Variants in WNT7B observed in about 807,000 individuals in gnomAD.
WNT7B encodes the protein Wnt family member 7B.
A neutral mutation model predicts 38.2 loss-of-function variants in WNT7B; 19 were observed. That is an observed-to-expected ratio of 0.50 (90% CI 0.35 to 0.73). The LOEUF (loss-of-function observed/expected upper bound fraction) is 0.73, where lower values mean the gene tolerates loss of function less well. Among genes scored for constraint, WNT7B ranks in the 30% least tolerant of loss-of-function variants. The pLI is 0.01. For synonymous variants in WNT7B, 243 were observed against 209.3 expected (o/e 1.16, Z -1.39); for missense variants, 423 against 507.9 (o/e 0.83, Z 1.61).
chr22:45,960,123 G>T (rs1932162450), intron 1 of WNT7B, among the ~76,000 whole-genome samples: 4 of 152,116 alleles, frequency 2.6e-5, no homozygotes. Context: ...ATGGCCTCGG[G>T]GCCTGCCTGA....
chr22:45,977,144 C>A lies in WNT7B; in HGVS notation c.-390G>T, dbSNP rs1932571148. On this transcript the variant is annotated 5_prime_UTR_variant, in exon 1 of 4. Transcript: ENST00000339464. ...CGGCGGCCAATGTGTCCGCACTTGTCGGCCGCCCCAGGTGACTCGCGGCCC... is the reference window on the plus strand; with the variant it reads ...CGGCGGCCAATGTGTCCGCACTTGTAGGCCGCCCCAGGTGACTCGCGGCCC... 4.1e-6 allele frequency: 2 copies of A among 492,116 alleles called. No homozygotes were observed. Among genetic ancestry groups the A allele is most frequent in the African/African-American group, 4.2e-5 (2 of 47,678 alleles). The allele number at this position is 492,116 out of a possible 1,614,324, so 30.5% of individuals were successfully genotyped here. A position where few individuals can be genotyped will look rare whatever the true frequency, so the allele number is the denominator to read the frequency against.
At chr22:45,926,110 C>T in intron 3 of WNT7B, 3 of 985,468 alleles carry the variant, frequency 3.0e-6, no homozygotes, top group Non-Finnish European at 3.6e-6. Flanking sequence ...TGGGCCGCTG[C>T]TTGCAGAGCG....
chr22:45,956,672 A>T (rs985644225), intron 1 of WNT7B, among the ~76,000 whole-genome samples: 1 of 152,216 alleles, frequency 6.6e-6, no homozygotes, highest in African/African-American at 2.4e-5. Flanking sequence ...CAACAGGAGG[A>T]TAGATAAAAA....
chr22:45,931,649 A>C (rs1238635854), intron 2 of WNT7B, among the ~76,000 whole-genome samples: 1 of 152,064 alleles, frequency 6.6e-6, no homozygotes, highest in Non-Finnish European at 1.5e-5. Flanking sequence ...ACTGCCCTCC[A>C]GCATGCAGTG....
At chr22:45,939,933 G>C (rs991238522) in intron 2 of WNT7B, among the ~76,000 whole-genome samples, 19 of 152,212 alleles carry the variant, frequency 1.2e-4, no homozygotes, top group African/African-American at 4.6e-4. Flanking sequence ...AGAGGAGCAG[G>C]AGTTGGAGAG....
At chr22:45,927,217 G>A in intron 3 of WNT7B, 1 of 985,434 alleles carries the variant, frequency 1.0e-6, no homozygotes, top group Non-Finnish European at 1.2e-6. Flanking sequence ...CGGGCACTGG[G>A]CACTCAGGTC....
chr22:45,932,967 G>A (rs756699729), intron 2 of WNT7B, among the ~76,000 whole-genome samples: 3 of 152,218 alleles, frequency 2.0e-5, no homozygotes, highest in Non-Finnish European at 2.9e-5. Flanking sequence ...TCTGTTCTAT[G>A]AACAACTACT....
chr22:45,945,266 A>C (rs528090840), intron 2 of WNT7B, among the ~76,000 whole-genome samples: 2 of 152,238 alleles, frequency 1.3e-5, no homozygotes, highest in South Asian at 4.1e-4. Flanking sequence ...AATTTTTAGT[A>C]GAGATGGGGC....
Position 45,923,120 on chromosome 22 carries a change from C to T in WNT7B, c.786G>A (p.Lys262=). 1 of 1,613,690 alleles carries T rather than the reference C, an allele frequency of 6.2e-7. No homozygotes were observed. Among genetic ancestry groups the T allele is most frequent in the Non-Finnish European group, 8.5e-7 (1 of 1,180,022 alleles). The change falls in exon 4 of 4, where the codon AAG becomes AAA. Residue 262 remains lysine (K), a synonymous_variant. Transcript: ENST00000339464. The part of the protein sequence containing the change: ...LRIKQLRSYQ[K]PMETDLVYIE... ...TGTACACCAGGTCTGTCTCCATGGG[C>T]TTCTGATAGCTGCGCAGCTGTTTGA...
chr22:45,965,278 C>T lies in WNT7B; in HGVS notation c.71+11406G>A, dbSNP rs1425933362. On this transcript the variant is annotated intron_variant, in intron 1 of 3. Transcript: ENST00000339464. This position sits in a 1 kb window ranked among gnomAD's most constrained non-coding sequence, Gnocchi z 6.5. ...GAGGTCTTCCCTGGGCCACCCTCAT[C>T]ACAGATGGCTTAGAGCTCCTGCTGT... Among the ~76,000 whole-genome samples, 5 of 152,210 alleles carry T rather than the reference C, an allele frequency of 3.3e-5. No homozygotes were observed. The highest frequency in any genetic ancestry group is 7.3e-5 in the Non-Finnish European group (5 of 68,048).
chr22:45,930,710 A>ACTCTTTCCT (rs1931318061), intron 3 of WNT7B, among the ~76,000 whole-genome samples: 2 of 152,122 alleles, frequency 1.3e-5, no homozygotes, highest in South Asian at 4.1e-4. Flanking sequence ...TCTGCCAGGA[A>ACTCTTTCCT]GTCTTTCCTG....
rs574760291 is a variant in WNT7B at position 45,951,149 on chromosome 22, C to T, written c.72-1003G>A. Among the ~76,000 whole-genome samples the T allele has an allele frequency of 1.6e-3, 240 of 152,318 alleles. No individual in the cohort carries two copies. The highest frequency in any genetic ancestry group is 5.5e-3 in the African/African-American group (230 of 41,552). ...CTGGAGTGCAGTGGTGTGATCTCAG[C>T]TCACTGCAACCTCCACATTCCGGGT... On this transcript the variant is annotated intron_variant, in intron 1 of 3. Coordinates refer to ENST00000339464, the MANE Select transcript of WNT7B (RefSeq NM_058238.3). This position sits in a 1 kb window ranked among gnomAD's most constrained non-coding sequence, Gnocchi z 4.8.
At chr22:45,972,812 C>T (rs1490050706) in intron 1 of WNT7B, 8 of 152,438 alleles carry the variant, frequency 5.2e-5, no homozygotes, top group African/African-American at 1.9e-4. Context: ...GGCTTGTGCT[C>T]CTCTTGGGGG....
chr22:45,963,030 G>T (rs1159453759), intron 1 of WNT7B, among the ~76,000 whole-genome samples: 1 of 152,182 alleles, frequency 6.6e-6, no homozygotes, highest in Non-Finnish European at 1.5e-5. Context: ...CCTCTCTGCA[G>T]ACTGCAAGAC....
At chr22:45,946,389 T>C (rs1291959350) in intron 2 of WNT7B, among the ~76,000 whole-genome samples, 2 of 152,212 alleles carry the variant, frequency 1.3e-5, no homozygotes, top group Admixed American at 6.5e-5. Context: ...AGTGCCTGGT[T>C]GAAACTCCCT....
chr22:45,936,734 G>A (rs998889636), intron 2 of WNT7B, among the ~76,000 whole-genome samples: 5 of 152,322 alleles, frequency 3.3e-5, no homozygotes, highest in South Asian at 4.1e-4. Context: ...GCAGAGCTGC[G>A]CCCTCATCCA....
At chr22:45,974,885 T>C (rs34315830) in intron 1 of WNT7B, among the ~76,000 whole-genome samples, 87,841 of 151,908 alleles carry the variant, frequency 0.58, 25,601 homozygotes, top group East Asian at 0.69. Flanking sequence ...GGGAAGGGCA[T>C]ACAGACCTCA....
At chr22:45,953,605 A>G (rs1226442942) in intron 1 of WNT7B, among the ~76,000 whole-genome samples, 1 of 152,218 alleles carries the variant, frequency 6.6e-6, no homozygotes, top group Non-Finnish European at 1.5e-5. Flanking sequence ...TCTACAAAGA[A>G]GATATACGCA....
intron 3 of WNT7B, chr22:45,927,148 G>A: frequency 4.1e-6 from 4 of 985,426 alleles, no homozygotes; most frequent in Non-Finnish European, 4.8e-6. Context: ...TGTCTGCCCT[G>A]CTGACCTGCC....
Sources: gnomAD v4.1 joint callset for allele counts (sites outside exome capture counted in the v4.1 genomes callset) on GRCh38, gnomAD v4.1.1 for gene constraint, Gnocchi (gnomAD v3.1) non-coding constraint, MANE v1.5 for transcripts, NCBI Gene and HGNC (gene_info 2026-07-23, HGNC 2026-07-21) for gene names.